HOGA1: variants seen among roughly 807,000 people sequenced by gnomAD.
The protein encoded by HOGA1 is 4-hydroxy-2-oxoglutarate aldolase 1, also known as 4-hydroxy-2-oxoglutarate aldolase, mitochondrial.
Under a neutral mutation model 34.3 loss-of-function variants are expected in HOGA1, and 30 were observed. The observed-to-expected ratio is 0.87, with a 90% CI of 0.65 to 1.19. The LOEUF (loss-of-function observed/expected upper bound fraction) is 1.19. HOGA1 is among the 50% of genes most tolerant of loss of function. The probability of loss-of-function intolerance (pLI) is 0.00; values close to 1 mark genes in which losing one functional copy is unlikely to be tolerated. For missense variants in HOGA1, 417 were observed against 436.5 expected (o/e 0.96, Z 0.40); for synonymous variants, 161 against 174.0 (o/e 0.93, Z 0.59).
intron 6 of HOGA1, among the ~76,000 whole-genome samples, chr10:97,605,441 A>G (rs1279734015): frequency 6.6e-6 from 1 of 151,952 alleles, no homozygotes; most frequent in Non-Finnish European, 1.5e-5. Context: ...CAAAACAAAC[A>G]AAAAACAAAC....
chr10:97,590,558 C>T (rs768062465), intron 1 of HOGA1: 16 of 1,611,404 alleles, frequency 9.9e-6, no homozygotes, highest in Admixed American at 3.3e-5. Context: ...CCTGCCTAAT[C>T]GCAGACACTA....
chr10:97,585,079 G>A (rs564982505), intron 1 of HOGA1, among the ~76,000 whole-genome samples, 165 bp downstream of exon 1: 1 of 152,196 alleles, frequency 6.6e-6, no homozygotes, highest in Non-Finnish European at 1.5e-5. Context: ...CTGGAGTCAG[G>A]AGACAGGCAG....
rs2040955233 is a variant in HOGA1, at chr10:97,584,873, T to C, written c.170T>C (p.Leu57Pro). The C allele has an allele frequency of 1.9e-6, 3 of 1,614,176 alleles. No individual in the cohort carries two copies. Among genetic ancestry groups the C allele is most frequent in the Non-Finnish European group, 1.7e-6 (2 of 1,180,018 alleles). The change falls in exon 1 of 7, where the codon CTG becomes CCG. Residue 57 changes from leucine to proline, a missense_variant. By Grantham distance (98) the Leu-to-Pro change is moderately conservative (BLOSUM62 -3). Coordinates refer to ENST00000370646, the MANE Select transcript of HOGA1 (RefSeq NM_138413.4). ...TATAEVDYGKLEENLHKLGTF... is the reference protein window; with the variant it reads ...TATAEVDYGKPEENLHKLGTF... ...ACTGCAGAGGTGGACTATGGGAAAC[T>C]GGAGGAGAATCTGCACAAACTGGGC...
At position 97,601,852 on chromosome 10, in the gene HOGA1, T is replaced by C. The variant is rs768826446; in HGVS notation, c.701-5T>C. ...GGCTGATGTTCTGCGTCTTACTTCGTGCAGGAGCTGTGGGGGGCGTCTGCG... is the reference window on the plus strand; with the variant it reads ...GGCTGATGTTCTGCGTCTTACTTCGCGCAGGAGCTGTGGGGGGCGTCTGCG... On this transcript the variant is annotated splice_polypyrimidine_tract_variant and splice_region_variant and intron_variant, in intron 5 of 6. Coordinates refer to ENST00000370646, the MANE Select transcript of HOGA1 (RefSeq NM_138413.4). 6.2e-7 allele frequency: 1 copy of C among 1,612,232 alleles called. No homozygotes were observed. The highest frequency in any genetic ancestry group is 8.5e-7 in the Non-Finnish European group (1 of 1,179,960).
intron 1 of HOGA1, chr10:97,590,705 C>G: frequency 1.2e-6 from 1 of 811,128 alleles, no homozygotes; most frequent in South Asian, 1.8e-5. Flanking sequence ...GTGCCCAAAT[C>G]CCTACTTTCT....
At chr10:97,604,308 G>A (rs1034065215) in intron 6 of HOGA1, among the ~76,000 whole-genome samples, 9 of 152,062 alleles carry the variant, frequency 5.9e-5, no homozygotes, top group South Asian at 2.1e-4. Flanking sequence ...TGGTATTGCC[G>A]TACCACAGCA....
At chr10:97,610,168 C>T (rs1294613164) in intron 6 of HOGA1, among the ~76,000 whole-genome samples, 3 of 152,164 alleles carry the variant, frequency 2.0e-5, no homozygotes, top group Non-Finnish European at 2.9e-5. Flanking sequence ...ATTCCATACA[C>T]GATTTTAAAT....
At chr10:97,592,751 G>A (rs2041036808) in intron 1 of HOGA1, among the ~76,000 whole-genome samples, 1 of 151,888 alleles carries the variant, frequency 6.6e-6, no homozygotes, top group African/African-American at 2.4e-5. Context: ...TGGTCAGGCT[G>A]GGCGTGGTGA....
intron 1 of HOGA1, chr10:97,590,353 C>G: frequency 5.0e-6 from 8 of 1,614,030 alleles, no homozygotes; most frequent in Non-Finnish European, 6.8e-6. Flanking sequence ...CCATAGCTTA[C>G]CAGCACTCAG....
intron 1 of HOGA1, 28 bp downstream of exon 1, chr10:97,584,942 TGGG>T (rs756707266): frequency 1.8e-5 from 29 of 1,594,598 alleles, no homozygotes; most frequent in African/African-American, 2.7e-5. Context: ...CTGTGGGACC[TGGG>T]GAGATGTGAG....
Position 97,611,611 on chromosome 10 carries a change from TGAG to T in HOGA1, c.944_946del (p.Glu315del), listed in dbSNP as rs397509360. 2.5e-4 allele frequency: 405 copies of T among 1,614,020 alleles called. 1 individual carries two copies. Among genetic ancestry groups the T allele is most frequent in the Admixed American group, 8.3e-5 (5 of 60,012 alleles). On this transcript the variant is annotated inframe_deletion, in exon 7 of 7. Coordinates refer to ENST00000370646, the MANE Select transcript of HOGA1 (RefSeq NM_138413.4). ...CCCCCTTGCAGGAGCTGAGCCCCGCTGAGGAGGAGGCACTGCGCATGGATTTCA... is the reference window on the plus strand; with the variant it reads ...CCCCCTTGCAGGAGCTGAGCCCCGCTGAGGAGGCACTGCGCATGGATTTCA...
At chr10:97,611,466 T>G in intron 6 of HOGA1, 44 bp from the exon 7 acceptor site, 2 of 1,612,464 alleles carry the variant, frequency 1.2e-6, no homozygotes, top group Non-Finnish European at 1.7e-6. Flanking sequence ...GATATGGGTG[T>G]TCAGCAAATT....
At chr10:97,588,326 T>C (rs551385969) in intron 1 of HOGA1, among the ~76,000 whole-genome samples, 3 of 151,706 alleles carry the variant, frequency 2.0e-5, no homozygotes, top group Admixed American at 2.0e-4. Flanking sequence ...GCCTCCTGAG[T>C]AGCTGGGACT....
intron 1 of HOGA1, among the ~76,000 whole-genome samples, chr10:97,594,322 C>A (rs907876859): frequency 6.6e-6 from 1 of 151,550 alleles, no homozygotes; most frequent in South Asian, 2.1e-4. Context: ...ATTACAGGTG[C>A]GCGCCTCCAT....
rs1424933067 is a variant in HOGA1 at position 97,601,777 on chromosome 10, T to C, written c.701-80T>C. On this transcript the variant is annotated intron_variant, in intron 5 of 6. Coordinates refer to ENST00000370646, the MANE Select transcript of HOGA1 (RefSeq NM_138413.4). ...AAATCTGTATCTAATGTCCCCAGGCTGAAGAGGTGCTGGGACCAGGGCTTG... is the reference window on the plus strand; with the variant it reads ...AAATCTGTATCTAATGTCCCCAGGCCGAAGAGGTGCTGGGACCAGGGCTTG... 1.9e-6 allele frequency: 3 copies of C among 1,542,104 alleles called. No homozygotes were observed. The African/African-American group carries it at 4.1e-5, about 21-fold the overall frequency.
chr10:97,603,168 A>AT lies in HOGA1; in HGVS notation c.834+1185dup, dbSNP rs2041132922. On this transcript the variant is annotated intron_variant, in intron 6 of 6. Transcript: ENST00000370646. This position sits in a 1 kb window ranked among gnomAD's most constrained non-coding sequence, Gnocchi z 4.5. ...AGGCACGTGCCACCATACCCGGATA[A>AT]TTTTTTTGTATTTTTAGTAGAGACG... Among the ~76,000 whole-genome samples, 4 of 151,222 alleles carry AT rather than the reference A, an allele frequency of 2.6e-5. No homozygotes were observed. The highest frequency in any genetic ancestry group is 2.0e-4 in the Admixed American group (3 of 15,162).
intron 1 of HOGA1, 90 bp from the exon 2 acceptor site, chr10:97,598,685 G>A: frequency 2.0e-6 from 3 of 1,502,730 alleles, no homozygotes; most frequent in Non-Finnish European, 2.8e-6. Flanking sequence ...GGAAATGTGT[G>A]AAAGATTATG....
At chr10:97,585,041 T>C (rs184422949) in intron 1 of HOGA1, 127 bp downstream of exon 1, 1 of 763,788 alleles carries the variant, frequency 1.3e-6, no homozygotes, top group East Asian at 2.7e-5. Flanking sequence ...GGTCATTTTA[T>C]TATGGGAGAG....
chr10:97,590,811 G>T, intron 1 of HOGA1: 1 of 593,720 alleles, frequency 1.7e-6, no homozygotes, highest in Non-Finnish European at 3.1e-6. Flanking sequence ...GGAGGACACA[G>T]CGCAGGTGAG....
Sources: gnomAD v4.1 joint callset for allele counts (sites outside exome capture counted in the v4.1 genomes callset) on GRCh38, gnomAD v4.1.1 for gene constraint, Gnocchi (gnomAD v3.1) non-coding constraint, MANE v1.5 for transcripts, NCBI Gene and HGNC (gene_info 2026-07-23, HGNC 2026-07-21) for gene names.